EPHB1: variants seen among roughly 807,000 people sequenced by gnomAD.
EPHB1 encodes the protein EPH receptor B1, also known as ephrin type-B receptor 1.
A neutral mutation model predicts 94.4 loss-of-function variants in EPHB1; 30 were observed. That is an observed-to-expected ratio of 0.32 (90% confidence interval 0.24 to 0.43). The LOEUF (loss-of-function observed/expected upper bound fraction) is 0.43. Among genes scored for constraint, EPHB1 ranks in the 20% least tolerant of loss-of-function variants. EPHB1 has a pLI of 1.00. For missense variants in EPHB1, 1,055 were observed against 1,308.3 expected (o/e 0.81, Z 2.99); for synonymous variants, 522 against 489.1 (o/e 1.07, Z -0.89).
At chr3:135,157,441 T>G (rs1387971886) in intron 6 of EPHB1, among the ~76,000 whole-genome samples, 1 of 152,216 alleles carries the variant, frequency 6.6e-6, no homozygotes, top group Admixed American at 6.5e-5. Context: ...CCTCAACTTT[T>G]TATGCTGTAA....
At chr3:135,138,775 A>G (rs991451323) in intron 5 of EPHB1, among the ~76,000 whole-genome samples, 5 of 152,260 alleles carry the variant, frequency 3.3e-5, no homozygotes, top group Non-Finnish European at 5.9e-5. Flanking sequence ...ATTCAATTTC[A>G]TAGTTTGTTT....
At chr3:134,933,313 C>T (rs1284364078) in intron 2 of EPHB1, among the ~76,000 whole-genome samples, 1 of 152,142 alleles carries the variant, frequency 6.6e-6, no homozygotes, top group Non-Finnish European at 1.5e-5. Flanking sequence ...TCAGACATCT[C>T]CTCCTGGGTC....
chr3:135,027,941 G>T (rs1355470188), intron 3 of EPHB1, among the ~76,000 whole-genome samples: 1 of 142,438 alleles, frequency 7.0e-6, no homozygotes, highest in Non-Finnish European at 1.5e-5. Context: ...CTTCTTCCTG[G>T]TTTAGTCTTG....
At chr3:135,030,892 C>A (rs1048825873) in intron 3 of EPHB1, among the ~76,000 whole-genome samples, 1 of 152,188 alleles carries the variant, frequency 6.6e-6, no homozygotes, top group Non-Finnish European at 1.5e-5. Context: ...TGGAGTAGGA[C>A]CCTCGGAGCC....
chr3:135,004,189 A>G (rs1426524406), intron 3 of EPHB1, among the ~76,000 whole-genome samples: 1 of 151,564 alleles, frequency 6.6e-6, no homozygotes, highest in Non-Finnish European at 1.5e-5. Context: ...GCTTGTCTGT[A>G]AAGTATTTTA....
chr3:134,976,839 C>G (rs147472184), intron 3 of EPHB1, among the ~76,000 whole-genome samples: 1 of 152,278 alleles, frequency 6.6e-6, no homozygotes, highest in East Asian at 1.9e-4. Flanking sequence ...TCAGATAAAT[C>G]TCTTGCACCC....
At chr3:134,883,938 A>C (rs1246360902) in intron 1 of EPHB1, among the ~76,000 whole-genome samples, 2 of 152,216 alleles carry the variant, frequency 1.3e-5, no homozygotes, top group Non-Finnish European at 2.9e-5. Context: ...AACTCTGTGA[A>C]TCATGATCCA....
intron 5 of EPHB1, among the ~76,000 whole-genome samples, chr3:135,152,857 G>T (rs528970369): frequency 1.3e-5 from 2 of 152,292 alleles, no homozygotes; most frequent in South Asian, 4.1e-4. Context: ...ACTCTTCAAG[G>T]AGTAGGAACT....
chr3:134,976,738 A>T (rs1047195290), intron 3 of EPHB1, among the ~76,000 whole-genome samples: 1 of 151,124 alleles, frequency 6.6e-6, no homozygotes, highest in African/African-American at 2.4e-5. Flanking sequence ...TTATGGGGTT[A>T]AAAAAAAAGG....
At chr3:134,915,551 A>G (rs1300883647) in intron 1 of EPHB1, among the ~76,000 whole-genome samples, 1 of 152,160 alleles carries the variant, frequency 6.6e-6, no homozygotes, top group African/African-American at 2.4e-5. Context: ...TTCAAGAATG[A>G]AGCCACGGAC....
At chr3:134,797,120 G>A (rs2035845100) in intron 1 of EPHB1, among the ~76,000 whole-genome samples, 1 of 152,198 alleles carries the variant, frequency 6.6e-6, no homozygotes, top group Non-Finnish European at 1.5e-5. Context: ...TGCCTAGAAA[G>A]CTCTCGCTTG....
At chr3:134,939,340 CA>C (rs3836285) in intron 2 of EPHB1, among the ~76,000 whole-genome samples, 85,609 of 148,544 alleles carry the variant, frequency 0.58, 26,554 homozygotes, top group African/African-American at 0.82. Context: ...TCACCTTTCT[CA>C]AATGGAATAC....
intron 1 of EPHB1, among the ~76,000 whole-genome samples, chr3:134,837,155 GGAGAATAC>G (rs1317661871): frequency 3.3e-5 from 5 of 152,144 alleles, no homozygotes; most frequent in African/African-American, 1.2e-4. Context: ...GCCCAGCTCT[GGAGAATAC>G]GAGCAACCAG....
chr3:134,810,758 AG>A (rs1362448102), intron 1 of EPHB1, among the ~76,000 whole-genome samples: 2 of 152,190 alleles, frequency 1.3e-5, no homozygotes, highest in Non-Finnish European at 2.9e-5. Context: ...GACTCCAGAT[AG>A]GAATGGAAAG....
chr3:134,919,619 G>A (rs1050882691), intron 1 of EPHB1, among the ~76,000 whole-genome samples: 3 of 152,114 alleles, frequency 2.0e-5, no homozygotes, highest in Non-Finnish European at 4.4e-5. Context: ...ACACCCTGAG[G>A]AGCCATGTGG....
At chr3:135,147,603 C>A (rs1254187787) in intron 5 of EPHB1, among the ~76,000 whole-genome samples, 2 of 152,150 alleles carry the variant, frequency 1.3e-5, no homozygotes, top group Non-Finnish European at 2.9e-5. Flanking sequence ...CACCCTCCAA[C>A]ACACACACTG....
At chr3:135,059,493 G>C (rs975582727) in intron 3 of EPHB1, among the ~76,000 whole-genome samples, 1 of 152,272 alleles carries the variant, frequency 6.6e-6, no homozygotes, top group Admixed American at 6.5e-5. Flanking sequence ...GGGAGGGAGA[G>C]GGGGAGGGAA....
chr3:134,894,494 C>A (rs1025657047), intron 1 of EPHB1, among the ~76,000 whole-genome samples: 81 of 152,194 alleles, frequency 5.3e-4, no homozygotes, highest in Non-Finnish European at 3.4e-4. Context: ...CCTCGTGTGC[C>A]CATTTCTTCT....
At chr3:135,221,979 A>T (rs1225856078) in intron 12 of EPHB1, among the ~76,000 whole-genome samples, 1 of 152,244 alleles carries the variant, frequency 6.6e-6, no homozygotes, top group African/African-American at 2.4e-5. Flanking sequence ...AATAAGCAGA[A>T]CTATTTCTTT....
Sources: allele counts gnomAD v4.1 joint callset (sites outside exome capture counted in the v4.1 genomes callset), GRCh38; gene constraint gnomAD v4.1.1; transcripts MANE v1.5; gene names NCBI Gene and HGNC (gene_info 2026-07-23, HGNC 2026-07-21).